The following COG5 variants were observed in gnomAD, a reference collection of about 807,000 sequenced individuals.
COG5 encodes conserved oligomeric Golgi complex subunit 5.
Under a neutral mutation model 110.4 loss-of-function variants are expected in COG5, and 86 were observed. That is an observed-to-expected ratio of 0.78 (90% CI 0.65 to 0.93). The LOEUF (loss-of-function observed/expected upper bound fraction) is 0.93. Ranked by LOEUF, COG5 falls within the 40% of genes least tolerant of loss-of-function variation. The pLI is 0.00. For synonymous variants in COG5, 360 were observed against 334.6 expected (o/e 1.08, Z -0.83); for missense variants, 1,077 against 987.0 (o/e 1.09, Z -1.22).
intron 6 of COG5, among the ~76,000 whole-genome samples, chr7:107,487,460 C>A (rs1158322850): frequency 6.6e-6 from 1 of 151,976 alleles, no homozygotes; most frequent in African/African-American, 2.4e-5. Flanking sequence ...CCTGGGACTC[C>A]CGACGTATCA....
Position 107,203,236 on chromosome 7 carries a change from G to A in COG5, c.*280C>T, listed in dbSNP as rs1798488887. 6.7e-6 allele frequency: 3 copies of A among 447,836 alleles called. No homozygotes were observed. The highest frequency in any genetic ancestry group is 3.5e-5 in the Admixed American group (1 of 28,958). 27.7% of individuals were successfully genotyped at this position (447,836 alleles called of 1,614,324 possible). A position where few individuals can be genotyped will look rare whatever the true frequency, so the allele number is the denominator to read the frequency against. ...GTTTATGTACCCATAGGAGGACTTG[G>A]TTATGGATGGGAAAGACATTTTAGC... On this transcript the variant is annotated 3_prime_UTR_variant, in exon 22 of 22. Transcript: ENST00000297135.
intron 6 of COG5, among the ~76,000 whole-genome samples, chr7:107,417,425 A>G (rs1418631657): frequency 1.3e-5 from 2 of 152,150 alleles, no homozygotes; most frequent in Non-Finnish European, 2.9e-5. Flanking sequence ...AATTTTTGAC[A>G]GCTCCCAATA....
chr7:107,406,297 T>C (rs1031775245), intron 7 of COG5, among the ~76,000 whole-genome samples: 3 of 152,192 alleles, frequency 2.0e-5, no homozygotes, highest in African/African-American at 7.2e-5. Flanking sequence ...ATTCTACACC[T>C]ACCCGTGCAG....
intron 6 of COG5, among the ~76,000 whole-genome samples, chr7:107,494,022 C>T (rs189024465): frequency 3.9e-5 from 6 of 151,984 alleles, no homozygotes; most frequent in Admixed American, 2.0e-4. Context: ...AGCAATAGAC[C>T]CCAAAAACCA....
At chr7:107,321,962 A>G (rs75723759) in intron 11 of COG5, among the ~76,000 whole-genome samples, 24,501 of 152,220 alleles carry the variant, frequency 0.16, 2,365 homozygotes, top group Non-Finnish European at 0.22. Context: ...AAAACATGCA[A>G]CTAAGGAAGT....
intron 6 of COG5, among the ~76,000 whole-genome samples, chr7:107,497,503 A>T (rs529403547): frequency 4.9e-4 from 74 of 152,324 alleles, no homozygotes; most frequent in African/African-American, 1.7e-3. Context: ...TACCAACAAC[A>T]ATCTATATGA....
chr7:107,399,027 C>A (rs1791226659), intron 7 of COG5, among the ~76,000 whole-genome samples: 1 of 151,992 alleles, frequency 6.6e-6, no homozygotes. Context: ...CATAGTAAAA[C>A]CACGTCTCTA....
chr7:107,380,341 C>T (rs966457942), intron 7 of COG5, among the ~76,000 whole-genome samples: 3 of 151,572 alleles, frequency 2.0e-5, no homozygotes, highest in Non-Finnish European at 2.9e-5. Context: ...GATACAGACA[C>T]GAAAAACCCT....
intron 6 of COG5, among the ~76,000 whole-genome samples, chr7:107,455,718 C>T (rs1310854322): frequency 6.6e-6 from 1 of 152,002 alleles, no homozygotes; most frequent in South Asian, 2.1e-4. Context: ...TGATTTTTTT[C>T]TCCAGCACAT....
intron 12 of COG5, among the ~76,000 whole-genome samples, chr7:107,292,873 A>C (rs1445438553): frequency 6.6e-6 from 1 of 152,216 alleles, no homozygotes; most frequent in Non-Finnish European, 1.5e-5. Context: ...CTTTAGATAA[A>C]TGCACACTTA....
intron 6 of COG5, among the ~76,000 whole-genome samples, chr7:107,429,120 T>G (rs1201633975): frequency 3.9e-5 from 6 of 152,228 alleles, no homozygotes; most frequent in Admixed American, 6.5e-5. Flanking sequence ...AACAGAATAT[T>G]ACTAAGAGTA....
chr7:107,389,800 C>T (rs896753683), intron 7 of COG5, among the ~76,000 whole-genome samples: 1 of 152,122 alleles, frequency 6.6e-6, no homozygotes, highest in African/African-American at 2.4e-5. Context: ...TCCATGCCAC[C>T]CCCAAGACAC....
chr7:107,532,844 T>A (rs531901165), intron 5 of COG5, among the ~76,000 whole-genome samples: 2 of 152,354 alleles, frequency 1.3e-5, no homozygotes, highest in African/African-American at 2.4e-5. Flanking sequence ...TAAAATTTTT[T>A]GCATATGCTC....
intron 6 of COG5, among the ~76,000 whole-genome samples, chr7:107,514,113 C>T (rs1204925183): frequency 1.3e-5 from 2 of 151,644 alleles, no homozygotes; most frequent in African/African-American, 2.4e-5. Context: ...TATATTGCAG[C>T]TAGGCAATAA....
Position 107,510,260 on chromosome 7 carries a change from A to G in COG5, c.538+16977T>C, listed in dbSNP as rs528605474. On this transcript the variant is annotated intron_variant, in intron 6 of 21. Coordinates refer to ENST00000297135, the MANE Select transcript of COG5 (RefSeq NM_006348.5). ...AGGGGTTGCAATCCTAGTCTCTGAT[A>G]AAACAGACTTTAAACCAACAAAGAT... is the stretch of plus-strand genomic sequence containing the variant. Among the ~76,000 whole-genome samples the G allele has an allele frequency of 2.8e-3, 432 of 152,222 alleles. 12 individuals are homozygous for G. In the East Asian group the frequency reaches 0.065, roughly 23 times the overall value.
At chr7:107,507,312 T>C (rs1280192499) in intron 6 of COG5, among the ~76,000 whole-genome samples, 1 of 150,526 alleles carries the variant, frequency 6.6e-6, no homozygotes, top group East Asian at 1.9e-4. Context: ...TTTTTTTTTT[T>C]TGAGATGGAG....
intron 8 of COG5, among the ~76,000 whole-genome samples, chr7:107,364,705 T>C (rs1004767505): frequency 1.3e-5 from 2 of 152,212 alleles, no homozygotes; most frequent in African/African-American, 4.8e-5. Flanking sequence ...AGAGGGACTG[T>C]GTGTGTCAAC....
chr7:107,201,546 C>CTGA lies in COG5; in HGVS notation c.*1967_*1969dup. Reference sequence around the variant, plus strand: ...CCTCAATTCGTGTGACCATAAGATACTGATAGCATTGAGTCTTGAAATGAT... The same window carrying CTGA: ...CCTCAATTCGTGTGACCATAAGATACTGATGATAGCATTGAGTCTTGAAATGAT... On this transcript the variant is annotated 3_prime_UTR_variant, in exon 22 of 22. Transcript: ENST00000297135. 1.0e-5 allele frequency: 6 copies of CTGA among 591,394 alleles called. No homozygotes were observed. In the South Asian group the frequency reaches 1.5e-4, roughly 15 times the overall value. 36.6% of individuals were successfully genotyped at this position (591,394 alleles called of 1,614,324 possible). A position where few individuals can be genotyped will look rare whatever the true frequency, so the allele number is the denominator to read the frequency against.
At chr7:107,549,516 C>T (rs1176059199) in intron 3 of COG5, among the ~76,000 whole-genome samples, 2 of 152,012 alleles carry the variant, frequency 1.3e-5, no homozygotes, top group Middle Eastern at 3.2e-3. Context: ...CTCAGCCTCC[C>T]GAGTGGCTGG....
Sources: allele counts gnomAD v4.1 joint callset (sites outside exome capture counted in the v4.1 genomes callset), GRCh38; gene constraint gnomAD v4.1.1; transcripts MANE v1.5; gene names NCBI Gene and HGNC (gene_info 2026-07-23, HGNC 2026-07-21).